Variants in SPARCL1 observed in about 807,000 individuals in gnomAD.
SPARCL1 encodes SPARC like 1.
In SPARCL1, 52 loss-of-function variants were observed where a neutral mutation model predicts 67.1. That is an observed-to-expected ratio of 0.78 (90% CI 0.62 to 0.98). The LOEUF (loss-of-function observed/expected upper bound fraction) is 0.98. Among genes scored for constraint, SPARCL1 ranks in the 50% least tolerant of loss-of-function variants. SPARCL1 has a pLI of 0.00. For synonymous variants in SPARCL1, 226 were observed against 267.8 expected (o/e 0.84, Z 1.52); for missense variants, 717 against 782.4 (o/e 0.92, Z 1.00).
intron 1 of SPARCL1, among the ~76,000 whole-genome samples, chr4:87,521,599 C>T (rs963416990): frequency 2.6e-5 from 4 of 152,166 alleles, no homozygotes; most frequent in Non-Finnish European, 5.9e-5. Context: ...TTTACAAGTC[C>T]TCTTCCTTCC....
chr4:87,481,706 A>G (rs1723829168), intron 8 of SPARCL1, among the ~76,000 whole-genome samples: 1 of 152,230 alleles, frequency 6.6e-6, no homozygotes, highest in Non-Finnish European at 1.5e-5. Context: ...ATACTTATAC[A>G]TATATTTGCT....
intron 1 of SPARCL1, among the ~76,000 whole-genome samples, chr4:87,513,800 T>C (rs1725472670): frequency 6.6e-6 from 1 of 152,230 alleles, no homozygotes; most frequent in Admixed American, 6.5e-5. Context: ...ATATTTACTT[T>C]TAGTTCACTC....
intron 10 of SPARCL1, among the ~76,000 whole-genome samples, chr4:87,474,760 T>TTTTTTTTTG (rs1723499631): frequency 6.6e-6 from 1 of 150,402 alleles, no homozygotes; most frequent in Non-Finnish European, 1.5e-5. Context: ...TTTTTTTTTT[T>TTTTTTTTTG]GAGACGGAGT....
intron 1 of SPARCL1, among the ~76,000 whole-genome samples, chr4:87,513,233 A>G (rs534738317): frequency 2.6e-5 from 4 of 152,372 alleles, no homozygotes; most frequent in African/African-American, 9.6e-5. Context: ...ATTTGATTCA[A>G]TGAAGAAAGG....
At position 87,480,379 on chromosome 4, in the gene SPARCL1, T is replaced by A; in HGVS notation, c.1810A>T (p.Met604Leu). ...AAGGTAAAGAGTTCTTACCTATCCA[T>A]AGGGTGTTGGTCAAGTTCACTAAAC... is the stretch of plus-strand genomic sequence containing the variant. ...WQFSELDQHP[M>L]DRVLTHSELA... The change falls in exon 9 of 11, where the codon ATG becomes TTG. Residue 604 changes from methionine to leucine, a missense_variant. Physicochemically the swap from Met to Leu is conservative, Grantham distance 15 (BLOSUM62 2). Coordinates refer to ENST00000282470, the MANE Select transcript of SPARCL1 (RefSeq NM_004684.6). 2 of 1,600,618 alleles carry A rather than the reference T, an allele frequency of 1.2e-6. No individual in the cohort carries two copies. Among genetic ancestry groups the A allele is most frequent in the Admixed American group, 3.4e-5 (2 of 58,522 alleles).
Position 87,494,505 on chromosome 4 carries a change from C to A in SPARCL1, c.295G>T (p.Asp99Tyr), listed in dbSNP as rs376909339. Residue 99 changes from aspartate (D) to tyrosine (Y), a missense_variant, in exon 4 of 11, where the codon GAT becomes TAT. By Grantham distance (160) the Asp-to-Tyr change is radical. Coordinates refer to ENST00000282470, the MANE Select transcript of SPARCL1 (RefSeq NM_004684.6). ...KSSSQELGLK[D>Y]QEDSDGHLSV... is the part of the protein sequence containing the mutation. ...AAGTGACCATCACTGTCCTCTTGATCCTTCAATCCCAGCTCTTGGCTAGAA... is the reference window on the plus strand; with the variant it reads ...AAGTGACCATCACTGTCCTCTTGATACTTCAATCCCAGCTCTTGGCTAGAA... 6.2e-7 allele frequency: 1 copy of A among 1,614,012 alleles called. No individual in the cohort carries two copies. The highest frequency in any genetic ancestry group is 1.3e-5 in the African/African-American group (1 of 74,920).
At chr4:87,504,183 G>GT (rs1553970309) in intron 1 of SPARCL1, among the ~76,000 whole-genome samples, 2,389 of 93,214 alleles carry the variant, frequency 0.026, 2 homozygotes, top group Non-Finnish European at 0.043. Flanking sequence ...GTGTGTGTGT[G>GT]GTGGGGTGGG....
At position 87,473,489 on chromosome 4, in the gene SPARCL1, TATCTC is replaced by T. The variant is rs747988952; in HGVS notation, c.*281_*285del. 74 of 275,274 alleles carry T rather than the reference TATCTC, an allele frequency of 2.7e-4. No homozygotes were observed. The highest frequency in any genetic ancestry group is 3.7e-4 in the Non-Finnish European group (55 of 148,424). The allele number at this position is 275,274 out of a possible 1,614,324, so 17.1% of individuals were successfully genotyped here. A position where few individuals can be genotyped will look rare whatever the true frequency, so the allele number is the denominator to read the frequency against. On this transcript the variant is annotated 3_prime_UTR_variant, in exon 11 of 11. Transcript: ENST00000282470. ...TATCATTAATAGTTTAATCATTAAT[TATCTC>T]ATAAGTCAATGCAGAGAGTGAAATT...
chr4:87,490,319 G>A lies in SPARCL1; in HGVS notation c.1485C>T (p.Thr495=). 5 of 1,611,890 alleles carry A rather than the reference G, an allele frequency of 3.1e-6. No individual in the cohort carries two copies. The highest frequency in any genetic ancestry group is 4.2e-6 in the Non-Finnish European group (5 of 1,179,154). ...LFATKCRLEG[T]KKGHQLQLDY... ...CCAGCTGGAGTTGATGCCCCTTTTT[G>A]GTCCCCTCCAGTCTGCATTTAGTAG... The change falls in exon 7 of 11, where the codon ACC becomes ACT. Residue 495 remains threonine (T), a synonymous_variant. Coordinates refer to ENST00000282470, the MANE Select transcript of SPARCL1 (RefSeq NM_004684.6).
chr4:87,509,803 CTGTG>C (rs753108314), intron 1 of SPARCL1, among the ~76,000 whole-genome samples: 2 of 152,162 alleles, frequency 1.3e-5, no homozygotes, highest in African/African-American at 4.8e-5. Flanking sequence ...GTGTGTATGT[CTGTG>C]TGTGTGCACA....
chr4:87,494,500 T>G lies in SPARCL1; in HGVS notation c.300A>C (p.Gln100His), dbSNP rs757305604. The G allele has an allele frequency of 1.2e-6, 2 of 1,614,184 alleles. No homozygotes were observed. The highest frequency in any genetic ancestry group is 2.7e-5 in the African/African-American group (2 of 75,056). Residue 100 changes from glutamine to histidine, a missense_variant, in exon 4 of 11, where the codon CAA (glutamine) becomes CAC (histidine). Gln to His is a conservative substitution (Grantham distance 24). Coordinates refer to ENST00000282470, the MANE Select transcript of SPARCL1 (RefSeq NM_004684.6). The part of the protein sequence containing the change: ...SSSQELGLKD[Q>H]EDSDGHLSVN... The stretch of plus-strand genomic sequence containing the variant: ...CACTTAAGTGACCATCACTGTCCTC[T>G]TGATCCTTCAATCCCAGCTCTTGGC...
In SPARCL1 at chr4:87,499,621, A is replaced by G. The variant is rs751338557; in HGVS notation, c.-11-36T>C. On this transcript the variant is annotated intron_variant, in intron 1 of 10. Transcript: ENST00000282470. ...AGAAGATAATTATCAGTGGCAGGGA[A>G]AAGTTTCCTCATGAAAAACTGAAAG... is the stretch of plus-strand genomic sequence containing the variant. 3 of 1,504,050 alleles carry G rather than the reference A, an allele frequency of 2.0e-6. No individual in the cohort carries two copies. The South Asian group carries it at 3.6e-5, about 18-fold the overall frequency. The allele number at this position is 1,504,050 out of a possible 1,614,324, so 93.2% of individuals were successfully genotyped here. A position where few individuals can be genotyped will look rare whatever the true frequency, so the allele number is the denominator to read the frequency against.
intron 1 of SPARCL1, 22 bp from the exon 2 acceptor site, chr4:87,499,607 A>T: frequency 6.4e-7 from 1 of 1,563,672 alleles, no homozygotes; most frequent in South Asian, 1.2e-5. Flanking sequence ...GAAGATAATT[A>T]TCAGTGGCAG....
intron 2 of SPARCL1, among the ~76,000 whole-genome samples, chr4:87,498,934 A>C (rs945548532): frequency 9.3e-5 from 14 of 150,520 alleles, no homozygotes; most frequent in African/African-American, 3.4e-4. Flanking sequence ...AGTGCAGTGG[A>C]GTGATCTCAG....
In SPARCL1 at chr4:87,494,311, G is replaced by C. The variant is rs762958955; in HGVS notation, c.489C>G (p.Asn163Lys). The C allele has an allele frequency of 1.2e-6, 2 of 1,614,030 alleles. No individual in the cohort carries two copies. Among genetic ancestry groups the C allele is most frequent in the South Asian group, 2.2e-5 (2 of 91,074 alleles). ...QQESITKREE[N>K]QEQPRNYSHH... ...GTGAATAATTTCTAGGTTGTTCTTG[G>C]TTTTCCTCTCTCTTTGTGATACTTT... Residue 163 changes from asparagine (N) to lysine (K), a missense_variant, in exon 4 of 11, where the codon AAC becomes AAG. Asn to Lys is a moderately conservative substitution (Grantham distance 94). Coordinates refer to ENST00000282470, the MANE Select transcript of SPARCL1 (RefSeq NM_004684.6).
In SPARCL1 at chr4:87,499,030, A is replaced by G. The variant is rs60282539; in HGVS notation, c.54+491T>C. ...GCTGGGATTACAGGTGCCCGCCACC[A>G]TGCCCGGCTAATTTTTGTATTTTTT... On this transcript the variant is annotated intron_variant, in intron 2 of 10. Coordinates refer to ENST00000282470, the MANE Select transcript of SPARCL1 (RefSeq NM_004684.6). 5.7e-3 allele frequency among the ~76,000 whole-genome samples: 867 copies of G among 152,190 alleles called. 15 individuals carry two copies. Among genetic ancestry groups the G allele is most frequent in the African/African-American group, 0.02 (813 of 41,530 alleles).
At chr4:87,479,846 A>G (rs1723735400) in intron 9 of SPARCL1, among the ~76,000 whole-genome samples, 1 of 152,210 alleles carries the variant, frequency 6.6e-6, no homozygotes, top group Admixed American at 6.5e-5. Flanking sequence ...ATGTTGGTAC[A>G]ACCTGGTTCT....
At chr4:87,509,994 C>T (rs982152745) in intron 1 of SPARCL1, among the ~76,000 whole-genome samples, 1 of 152,150 alleles carries the variant, frequency 6.6e-6, no homozygotes, top group Non-Finnish European at 1.5e-5. Context: ...CCAACCTGTA[C>T]TGGTTTGTGA....
At chr4:87,504,001 C>G (rs188113688) in intron 1 of SPARCL1, among the ~76,000 whole-genome samples, 1 of 152,084 alleles carries the variant, frequency 6.6e-6, no homozygotes, top group African/African-American at 2.4e-5. Flanking sequence ...ACTTCCTCAT[C>G]ATATTGGGAA....
Sources: allele counts gnomAD v4.1 joint callset (sites outside exome capture counted in the v4.1 genomes callset), GRCh38; gene constraint gnomAD v4.1.1; transcripts MANE v1.5; gene names NCBI Gene and HGNC (gene_info 2026-07-23, HGNC 2026-07-21).